TEAD1: variants seen among roughly 807,000 people sequenced by gnomAD.
The protein encoded by TEAD1 is TEA domain transcription factor 1, also known as transcriptional enhancer factor TEF-1.
TEAD1 carries 9 observed loss-of-function variants against 54.9 expected under a neutral mutation model. That is an observed-to-expected ratio of 0.16 (90% CI 0.10 to 0.29). The LOEUF (loss-of-function observed/expected upper bound fraction) is 0.29, where lower values mean the gene tolerates loss of function less well. TEAD1 is among the 10% of genes least tolerant of loss of function. The probability of loss-of-function intolerance (pLI) is 1.00; values close to 1 mark genes in which losing one functional copy is unlikely to be tolerated. For synonymous variants in TEAD1, 200 were observed against 187.8 expected, an observed-to-expected ratio of 1.07 and a Z score of -0.53; for missense variants, 387 against 535.9, an observed-to-expected ratio of 0.72 and a Z score of 2.74.
At chr11:12,719,959 T>G (rs1288756186) in intron 2 of TEAD1, among the ~76,000 whole-genome samples, 1 of 33,946 alleles carries the variant, frequency 2.9e-5, no homozygotes, top group African/African-American at 2.2e-4. Context: ...GTTTTTTTTT[T>G]TTTTTTTTTT....
At chr11:12,805,805 A>C (rs2133981349) in intron 3 of TEAD1, among the ~76,000 whole-genome samples, 1 of 152,348 alleles carries the variant, frequency 6.6e-6, no homozygotes, top group East Asian at 1.9e-4. Context: ...TACCTTCCAA[A>C]GAATTGATCT....
Position 12,938,856 on chromosome 11 carries a change from A to C in TEAD1, c.*1634A>C, listed in dbSNP as rs1176806826. 1 of 152,260 alleles carries C rather than the reference A, an allele frequency of 6.6e-6. No individual in the cohort carries two copies. Among genetic ancestry groups the C allele is most frequent in the Non-Finnish European group, 1.5e-5 (1 of 68,050 alleles). The allele number at this position is 152,260 out of a possible 1,614,324, so 9.4% of individuals were successfully genotyped here. On this transcript the variant is annotated 3_prime_UTR_variant, in exon 13 of 13. Coordinates refer to ENST00000527636, the MANE Select transcript of TEAD1 (RefSeq NM_021961.6). ...TTTTGTAAGTGGTAGGAACATGTGC[A>C]CACAATAGAACATGAAATAAGTTTT...
chr11:12,857,988 C>G (rs139705309), intron 3 of TEAD1, among the ~76,000 whole-genome samples: 3 of 152,106 alleles, frequency 2.0e-5, no homozygotes, highest in Non-Finnish European at 4.4e-5. Context: ...ACCACAGTCC[C>G]GTGCTACTTG....
intron 2 of TEAD1, among the ~76,000 whole-genome samples, chr11:12,675,862 CT>C (rs1322218229): frequency 6.6e-6 from 1 of 152,060 alleles, no homozygotes; most frequent in Non-Finnish European, 1.5e-5. Context: ...TTTAAATTGC[CT>C]TTTTTAAAAG....
At chr11:12,682,684 G>A (rs925090712) in intron 2 of TEAD1, among the ~76,000 whole-genome samples, 3 of 152,076 alleles carry the variant, frequency 2.0e-5, no homozygotes, top group African/African-American at 7.2e-5. Context: ...TTGCCACTGA[G>A]CGTTTAAACA....
In TEAD1 at chr11:12,937,488, C is replaced by T. The variant is rs1170698290; in HGVS notation, c.*266C>T. The T allele has an allele frequency of 3.2e-6, 1 of 316,464 alleles. No individual in the cohort carries two copies. The highest frequency in any genetic ancestry group is 2.1e-5 in the African/African-American group (1 of 47,280). The allele number at this position is 316,464 out of a possible 1,614,324, so 19.6% of individuals were successfully genotyped here. A position where few individuals can be genotyped will look rare whatever the true frequency, so the allele number is the denominator to read the frequency against. On this transcript the variant is annotated 3_prime_UTR_variant, in exon 13 of 13. Transcript: ENST00000527636. Reference sequence around the variant, plus strand: ...TCTCTATGTTCTTCAGATGTGCAGCCCACAATTCCTCGGGAAAGGTGAACC... The same window carrying T: ...TCTCTATGTTCTTCAGATGTGCAGCTCACAATTCCTCGGGAAAGGTGAACC...
chr11:12,850,038 G>T (rs184060014), intron 3 of TEAD1, among the ~76,000 whole-genome samples: 35 of 152,322 alleles, frequency 2.3e-4, no homozygotes, highest in African/African-American at 8.2e-4. Context: ...ATGCCATGTA[G>T]TACGGTGTCC....
chr11:12,694,897 C>A (rs1219007472), intron 2 of TEAD1, among the ~76,000 whole-genome samples: 3 of 152,098 alleles, frequency 2.0e-5, no homozygotes, highest in Non-Finnish European at 4.4e-5. Context: ...TGAAAAGACA[C>A]TGAGGAAGAT....
At chr11:12,819,530 A>G (rs962340025) in intron 3 of TEAD1, among the ~76,000 whole-genome samples, 15 of 151,972 alleles carry the variant, frequency 9.9e-5, no homozygotes, top group African/African-American at 1.9e-4. Context: ...GCTCACTGCA[A>G]GCTCCGTCTC....
At chr11:12,705,750 T>C (rs1254177631) in intron 2 of TEAD1, among the ~76,000 whole-genome samples, 2 of 152,220 alleles carry the variant, frequency 1.3e-5, no homozygotes, top group Admixed American at 6.5e-5. Flanking sequence ...AAGTGTACAT[T>C]ATATTACCAT....
At chr11:12,748,413 G>A (rs1944795305) in intron 2 of TEAD1, among the ~76,000 whole-genome samples, 1 of 152,228 alleles carries the variant, frequency 6.6e-6, no homozygotes, top group East Asian at 1.9e-4. Context: ...GAGTGCGTGT[G>A]CAGCTAGAAT....
intron 3 of TEAD1, among the ~76,000 whole-genome samples, chr11:12,815,335 C>T (rs942830324): frequency 2.6e-5 from 4 of 151,842 alleles, no homozygotes; most frequent in Admixed American, 2.6e-4. Context: ...TATAACATAA[C>T]ATAAATAATG....
chr11:12,756,063 C>A (rs1392359437), intron 2 of TEAD1, among the ~76,000 whole-genome samples: 2 of 152,132 alleles, frequency 1.3e-5, no homozygotes, highest in African/African-American at 4.8e-5. Context: ...GTACTTAGGG[C>A]TGATGGAGCG....
intron 2 of TEAD1, among the ~76,000 whole-genome samples, chr11:12,719,949 GTTTTTTTTTTTTTTTTTTTTT>G (rs1200965763): frequency 8.8e-4 from 35 of 39,990 alleles, no homozygotes; most frequent in East Asian, 2.0e-3. Context: ...GAAATCTAAT[GTTTTTTTTTTTTTTTTTTTTT>G]TTTTTTTTTT....
intron 2 of TEAD1, among the ~76,000 whole-genome samples, chr11:12,743,496 G>T (rs79046471): frequency 0.071 from 10,841 of 152,128 alleles, 544 homozygotes; most frequent in Middle Eastern, 0.18. Flanking sequence ...TTAGAACTAG[G>T]TTCATGAATC....
At chr11:12,832,757 G>C (rs987319541) in intron 3 of TEAD1, among the ~76,000 whole-genome samples, 1 of 152,200 alleles carries the variant, frequency 6.6e-6, no homozygotes, top group Non-Finnish European at 1.5e-5. Flanking sequence ...GAAGAAGTTT[G>C]ACTTTTCATT....
chr11:12,872,265 C>T (rs1054179939), intron 5 of TEAD1, among the ~76,000 whole-genome samples: 2 of 152,146 alleles, frequency 1.3e-5, no homozygotes, highest in African/African-American at 4.8e-5. Flanking sequence ...TCCGTGAAGC[C>T]CCCTGAGCCA....
rs775536398 is a variant in TEAD1, at chr11:12,778,529, C to CTT, written c.202+14115_202+14116dup. 2.5e-3 allele frequency among the ~76,000 whole-genome samples: 309 copies of CTT among 125,780 alleles called. 5 individuals are homozygous for CTT. The highest frequency in any genetic ancestry group is 0.015 in the Admixed American group (185 of 12,286). 82.5% of individuals were successfully genotyped at this position (125,780 alleles called of 152,430 possible). The stretch of plus-strand genomic sequence containing the variant: ...TGTCCATTAAAGGCCTCATCAGACT[C>CTT]TTTTTTTTTTTTTTTTTTTTTAAAC... On this transcript the variant is annotated intron_variant, in intron 3 of 12. Transcript: ENST00000527636.
chr11:12,853,863 T>TC (rs1388095016), intron 3 of TEAD1, among the ~76,000 whole-genome samples: 8 of 152,182 alleles, frequency 5.3e-5, no homozygotes, highest in Non-Finnish European at 1.0e-4. Context: ...AGACACTCAC[T>TC]GGCAGGGATA....
Sources: allele counts gnomAD v4.1 joint callset (sites outside exome capture counted in the v4.1 genomes callset), GRCh38; gene constraint gnomAD v4.1.1; transcripts MANE v1.5; gene names NCBI Gene and HGNC (gene_info 2026-07-23, HGNC 2026-07-21).